ALLC: variants seen among roughly 807,000 people sequenced by gnomAD.
The protein encoded by ALLC is allantoicase.
ALLC carries 40 observed loss-of-function variants against 45.0 expected under a neutral mutation model. The observed-to-expected ratio is 0.89, with a 90% confidence interval of 0.69 to 1.16. The LOEUF is 1.16. ALLC is among the 50% of genes most tolerant of loss of function. The pLI is 0.00. For missense variants in ALLC, 488 were observed against 493.1 expected, an observed-to-expected ratio of 0.99 and a Z score of 0.10; for synonymous variants, 176 against 178.1, an observed-to-expected ratio of 0.99 and a Z score of 0.09.
chr2:3,699,890 A>G (rs576777317), intron 10 of ALLC, among the ~76,000 whole-genome samples: 28 of 152,200 alleles, frequency 1.8e-4, no homozygotes, highest in Non-Finnish European at 3.5e-4. Context: ...TAGATTCTGG[A>G]TATTAGACCT....
intron 1 of ALLC, among the ~76,000 whole-genome samples, chr2:3,668,560 G>A (rs1397206186): frequency 7.8e-6 from 1 of 128,134 alleles, no homozygotes; most frequent in East Asian, 2.3e-4. Flanking sequence ...TGCATAATGT[G>A]TATGACTTTT....
At chr2:3,696,492 A>G (rs758530746) in intron 9 of ALLC, 144 bp downstream of exon 9, 9 of 646,596 alleles carry the variant, frequency 1.4e-5, no homozygotes, top group Non-Finnish European at 2.0e-5. Flanking sequence ...TATTTTCCAA[A>G]TTTCCCACTG....
chr2:3,674,050 T>C (rs759860990), intron 2 of ALLC, 25 bp from the exon 3 acceptor site: 17 of 849,668 alleles, frequency 2.0e-5, no homozygotes, highest in Non-Finnish European at 2.3e-5. Context: ...TTGCTTTATC[T>C]TTCTTTCTTT....
intron 7 of ALLC, among the ~76,000 whole-genome samples, chr2:3,693,414 A>C (rs554239303): frequency 6.6e-6 from 1 of 152,384 alleles, no homozygotes; most frequent in South Asian, 2.1e-4. Flanking sequence ...AAAACAGTGC[A>C]AGAAAATGAA....
intron 3 of ALLC, among the ~76,000 whole-genome samples, chr2:3,675,070 T>C (rs1666986352): frequency 2.0e-5 from 3 of 152,170 alleles, no homozygotes; most frequent in African/African-American, 7.2e-5. Context: ...ATTATAGCTC[T>C]TCCAGATATG....
chr2:3,693,444 A>C (rs1257923374), intron 7 of ALLC, among the ~76,000 whole-genome samples: 1 of 152,250 alleles, frequency 6.6e-6, no homozygotes, highest in African/African-American at 2.4e-5. Flanking sequence ...CTTACAAGAG[A>C]GTCAGACCTT....
At position 3,687,707 on chromosome 2, in the gene ALLC, T is replaced by C. The variant is rs745862125; in HGVS notation, c.511+4633T>C. ...CAGAAATGTATCCATTTCTTCTAGG[T>C]TTTCCAATTTGTTGGTATGTAGTTG... On this transcript the variant is annotated intron_variant, in intron 7 of 11. Coordinates refer to ENST00000252505, the MANE Select transcript of ALLC (RefSeq NM_018436.4). 2.0e-5 allele frequency among the ~76,000 whole-genome samples: 3 copies of C among 151,046 alleles called. 1 individual carries two copies. Among genetic ancestry groups the C allele is most frequent in the Non-Finnish European group, 3.0e-5 (2 of 67,616 alleles).
At chr2:3,672,206 G>T (rs1440202854) in intron 2 of ALLC, among the ~76,000 whole-genome samples, 1 of 121,066 alleles carries the variant, frequency 8.3e-6, no homozygotes, top group Non-Finnish European at 1.8e-5. Flanking sequence ...TAGATGGGAG[G>T]TCCTCTGGTT....
chr2:3,691,664 A>T (rs560186201), intron 7 of ALLC, among the ~76,000 whole-genome samples: 1 of 152,238 alleles, frequency 6.6e-6, no homozygotes, highest in South Asian at 2.1e-4. Context: ...TGTCTTTATC[A>T]AGTTTTGAAA....
At chr2:3,682,820 C>A in intron 6 of ALLC, 122 bp from the exon 7 acceptor site, 1 of 1,064,422 alleles carries the variant, frequency 9.4e-7, no homozygotes, top group East Asian at 2.5e-5. Context: ...CCACCGTGCC[C>A]GGCATCCATC....
chr2:3,656,730 C>T (rs1453836427), upstream of ALLC, among the ~76,000 whole-genome samples: 1 of 152,120 alleles, frequency 6.6e-6, no homozygotes, highest in Non-Finnish European at 1.5e-5. Flanking sequence ...CTTTAACCAG[C>T]TCGTAGGTGA....
the ALLC span, among the ~76,000 whole-genome samples, chr2:3,650,049 C>T: frequency 2.0e-5 from 3 of 152,258 alleles, no homozygotes; most frequent in Non-Finnish European, 4.4e-5. Flanking sequence ...CCCTGGAAGG[C>T]ACGGAGCCGT....
intron 7 of ALLC, among the ~76,000 whole-genome samples, chr2:3,689,842 T>C (rs1444812356): frequency 6.6e-6 from 1 of 150,824 alleles, no homozygotes. Flanking sequence ...AGTCTATTTA[T>C]CCCTTTAGAT....
At chr2:3,681,491 G>A (rs1667177169) in intron 5 of ALLC, 143 bp from the exon 6 acceptor site, 2 of 547,908 alleles carry the variant, frequency 3.7e-6, no homozygotes, top group African/African-American at 1.9e-5. Flanking sequence ...CAACAAGTGT[G>A]TCTATTACTT....
At chr2:3,659,880 G>C (rs1368048157) in intron 1 of ALLC, among the ~76,000 whole-genome samples, 2 of 152,212 alleles carry the variant, frequency 1.3e-5, no homozygotes, top group Non-Finnish European at 2.9e-5. Context: ...CAAATGTCAC[G>C]GCCCTTTCAC....
At chr2:3,653,887 T>A (rs1447099598), upstream of ALLC, among the ~76,000 whole-genome samples, 3 of 152,190 alleles carry the variant, frequency 2.0e-5, no homozygotes, top group African/African-American at 7.2e-5. The surrounding 1 kb of genome is among the most constrained non-coding windows in gnomAD (Gnocchi z 4.1). Flanking sequence ...CCATCAGGCT[T>A]CCCTGCTGGG....
rs371073768 is a variant in ALLC at position 3,674,131 on chromosome 2, G to A, written c.84+6G>A. On this transcript the variant is annotated splice_donor_region_variant and intron_variant, in intron 3 of 11. Coordinates refer to ENST00000252505, the MANE Select transcript of ALLC (RefSeq NM_018436.4). ...CTGCAGAAAACCTCATAAAGGTATT[G>A]TAAATTGACATTCTGCAATGTAAAG... The A allele has an allele frequency of 3.9e-6, 6 of 1,555,068 alleles. No homozygotes were observed. In the African/African-American group the frequency reaches 6.8e-5, roughly 18 times the overall value.
upstream of ALLC, among the ~76,000 whole-genome samples, chr2:3,657,464 G>A (rs1380426713): frequency 6.6e-6 from 1 of 151,596 alleles, no homozygotes; most frequent in African/African-American, 2.4e-5. Flanking sequence ...CTGGGTTCTG[G>A]TTCCAGCTCA....
intron 7 of ALLC, chr2:3,688,614 A>G: frequency 5.0e-6 from 1 of 199,206 alleles, no homozygotes; most frequent in South Asian, 8.0e-5. Context: ...GCATCAGCAG[A>G]GGGGGCAGAG....
Sources: allele counts gnomAD v4.1 joint callset (sites outside exome capture counted in the v4.1 genomes callset), GRCh38; gene constraint gnomAD v4.1.1; non-coding constraint Gnocchi (gnomAD v3.1); transcripts MANE v1.5; gene names NCBI Gene and HGNC (gene_info 2026-07-23, HGNC 2026-07-21).